The following NAA25 variants were observed in gnomAD, a reference collection of about 807,000 sequenced individuals.
NAA25 encodes N-alpha-acetyltransferase 25, NatB auxiliary subunit, also known as N-terminal acetyltransferase B complex subunit NAA25.
Under a neutral mutation model 132.5 loss-of-function variants are expected in NAA25, and 30 were observed. The observed-to-expected ratio is 0.23, with a 90% CI of 0.17 to 0.31. NAA25 has a LOEUF of 0.31. Ranked by LOEUF, NAA25 falls within the 10% of genes least tolerant of loss-of-function variation. NAA25 has a pLI of 1.00. For missense variants in NAA25, 771 were observed against 1,150.4 expected, an observed-to-expected ratio of 0.67 and a Z score of 4.77; for synonymous variants, 359 against 401.9, an observed-to-expected ratio of 0.89 and a Z score of 1.28.
chr12:112,028,636 ATATATATATG>A lies in NAA25; in HGVS notation c.*885_*894del, dbSNP rs1803465219. 1.3e-5 allele frequency: 2 copies of A among 152,120 alleles called. No individual in the cohort carries two copies. The highest frequency in any genetic ancestry group is 4.1e-4 in the South Asian group (2 of 4,830). The allele number at this position is 152,120 out of a possible 1,614,324, so 9.4% of individuals were successfully genotyped here. A position where few individuals can be genotyped will look rare whatever the true frequency, so the allele number is the denominator to read the frequency against. On this transcript the variant is annotated 3_prime_UTR_variant, in exon 24 of 24. Coordinates refer to ENST00000261745, the MANE Select transcript of NAA25 (RefSeq NM_024953.4). ...TTTCAAGTCATATATATATGTGTATATATATATATGTATATATATGACTCACAAAACCAAT... is the reference window on the plus strand; with the variant it reads ...TTTCAAGTCATATATATATGTGTATATATATATATGACTCACAAAACCAAT...
chr12:112,056,390 A>G (rs2078546773), intron 13 of NAA25, among the ~76,000 whole-genome samples: 1 of 151,776 alleles, frequency 6.6e-6, no homozygotes, highest in Non-Finnish European at 1.5e-5. Flanking sequence ...AAAATTAACT[A>G]AATAAATAAT....
In NAA25 at chr12:112,063,832, C is replaced by G. The variant is rs149066248; in HGVS notation, c.1150-2444G>C. Reference sequence around the variant, plus strand: ...GTGATTTGCATCTGTTGAGCTGGAACAAAAGGAGTGACTACTGCCTCTCAA... The same window carrying G: ...GTGATTTGCATCTGTTGAGCTGGAAGAAAAGGAGTGACTACTGCCTCTCAA... On this transcript the variant is annotated intron_variant, in intron 11 of 23. Transcript: ENST00000261745. 180 of 152,256 alleles carry G rather than the reference C, an allele frequency of 1.2e-3. 1 individual carries two copies. Among genetic ancestry groups the G allele is most frequent in the African/African-American group, 4.2e-3 (173 of 41,572 alleles). The allele number at this position is 152,256 out of a possible 1,614,324, so 9.4% of individuals were successfully genotyped here.
chr12:112,094,475 G>T (rs1394562502), intron 1 of NAA25, among the ~76,000 whole-genome samples: 1 of 151,976 alleles, frequency 6.6e-6, no homozygotes, highest in African/African-American at 2.4e-5. Context: ...TAGTATTCAG[G>T]CCTCAAATCT....
Position 112,029,482 on chromosome 12 carries a change from G to A in NAA25, c.*49C>T, listed in dbSNP as rs1228993859. ...AGATGTTGCTTTTGCCTGGGAAGAT[G>A]GTGTCATATTCTGTTGCAGAGTCAT... On this transcript the variant is annotated 3_prime_UTR_variant, in exon 24 of 24. Coordinates refer to ENST00000261745, the MANE Select transcript of NAA25 (RefSeq NM_024953.4). The A allele has an allele frequency of 6.2e-7, 1 of 1,608,792 alleles. No individual in the cohort carries two copies. The highest frequency in any genetic ancestry group is 1.1e-5 in the South Asian group (1 of 90,630).
At position 112,086,073 on chromosome 12, in the gene NAA25, T is replaced by TACACACAC. The variant is rs1555238727; in HGVS notation, c.402+1602_402+1609dup. Among the ~76,000 whole-genome samples, 153 of 53,770 alleles carry TACACACAC rather than the reference T, an allele frequency of 2.8e-3. 3 individuals carry two copies. Among genetic ancestry groups the TACACACAC allele is most frequent in the African/African-American group, 4.2e-3 (35 of 8,278 alleles). 35.3% of individuals were successfully genotyped at this position (53,770 alleles called of 152,430 possible). ...AAAAATATATATATATATATATATA[T>TACACACAC]ACACACACACACACACACACACACA... On this transcript the variant is annotated intron_variant, in intron 4 of 23. Coordinates refer to ENST00000261745, the MANE Select transcript of NAA25 (RefSeq NM_024953.4).
chr12:112,047,604 T>C (rs1268178078), intron 17 of NAA25, 61 bp downstream of exon 17: 9 of 1,587,880 alleles, frequency 5.7e-6, no homozygotes, highest in Non-Finnish European at 7.7e-6. Context: ...TCTTGGTCTC[T>C]TTAAAAAAAC....
rs201833793 is a variant in NAA25, at chr12:112,048,243, C to A, written c.1880+49G>T. The A allele has an allele frequency of 2.6e-6, 4 of 1,564,506 alleles. No individual in the cohort carries two copies. In the East Asian group the frequency reaches 9.0e-5, roughly 35 times the overall value. On this transcript the variant is annotated intron_variant, in intron 16 of 23. Transcript: ENST00000261745. ...CCATGAGCCCATTAATGGCTCTTAA[C>A]AACTGATCTAATCCCTTAGTTCCTT...
chr12:112,081,191 G>T, intron 4 of NAA25, 57 bp from the exon 5 acceptor site: 2 of 1,418,942 alleles, frequency 1.4e-6, no homozygotes, highest in Admixed American at 1.9e-5. Context: ...GGGGATTAAT[G>T]ATCTAGATAC....
At chr12:112,064,996 T>C (rs2078694705) in intron 11 of NAA25, among the ~76,000 whole-genome samples, 1 of 152,058 alleles carries the variant, frequency 6.6e-6, no homozygotes, top group South Asian at 2.1e-4. Context: ...ATCGCGCCAT[T>C]GCACTCTAGC....
At chr12:112,094,536 T>C (rs1184920335) in intron 1 of NAA25, among the ~76,000 whole-genome samples, 2 of 152,158 alleles carry the variant, frequency 1.3e-5, no homozygotes, top group Non-Finnish European at 2.9e-5. Flanking sequence ...AGTACTGACT[T>C]TGCCACAGAG....
At chr12:112,078,497 C>T in intron 6 of NAA25, 137 bp downstream of exon 6, 1 of 787,086 alleles carries the variant, frequency 1.3e-6, no homozygotes, top group Non-Finnish European at 2.1e-6. Flanking sequence ...ACGCTGAGGG[C>T]TTCAGATTTA....
chr12:112,065,014 A>C (rs1207776924), intron 11 of NAA25, among the ~76,000 whole-genome samples: 1 of 152,112 alleles, frequency 6.6e-6, no homozygotes, highest in Admixed American at 6.6e-5. Flanking sequence ...AGCCTGGGCA[A>C]GAAGAGCGAA....
intron 23 of NAA25, among the ~76,000 whole-genome samples, chr12:112,033,016 C>T (rs1274254916): frequency 1.3e-5 from 2 of 152,094 alleles, no homozygotes; most frequent in Non-Finnish European, 1.5e-5. Flanking sequence ...CCCAAAAATG[C>T]ATAGAAAGGA....
At position 112,049,572 on chromosome 12, in the gene NAA25, C is replaced by A. The variant is rs774691744; in HGVS notation, c.1729-1129G>T. ...AACTGCATTCGATGCGGCTTTTAAA[C>A]CCCCATGGGACACCTCGGCGAGCTG... On this transcript the variant is annotated intron_variant, in intron 15 of 23. Transcript: ENST00000261745. This position sits in a 1 kb window ranked among gnomAD's most constrained non-coding sequence, Gnocchi z 4.7. 1.9e-4 allele frequency: 191 copies of A among 985,712 alleles called. No homozygotes were observed. The highest frequency in any genetic ancestry group is 1.5e-3 in the Middle Eastern group (3 of 1,936). The allele number at this position is 985,712 out of a possible 1,614,324, so 61.1% of individuals were successfully genotyped here.
At chr12:112,105,818 T>A (rs2079354914) in intron 1 of NAA25, among the ~76,000 whole-genome samples, 1 of 152,202 alleles carries the variant, frequency 6.6e-6, no homozygotes. Context: ...AGCTACAACC[T>A]TGAGCAAGTT....
chr12:112,044,547 G>A (rs1353970494), intron 17 of NAA25, among the ~76,000 whole-genome samples: 1 of 151,884 alleles, frequency 6.6e-6, no homozygotes, highest in African/African-American at 2.4e-5. Context: ...GTGGGCGCCT[G>A]TAGTCCCAGC....
intron 1 of NAA25, among the ~76,000 whole-genome samples, chr12:112,094,102 G>A (rs545424187): frequency 6.6e-6 from 1 of 151,816 alleles, no homozygotes; most frequent in African/African-American, 2.4e-5. Context: ...TTAGCCAGGC[G>A]TGGTGGTGGG....
At chr12:112,045,713 T>C (rs957732721) in intron 17 of NAA25, among the ~76,000 whole-genome samples, 9 of 152,168 alleles carry the variant, frequency 5.9e-5, no homozygotes, top group Non-Finnish European at 8.8e-5. Flanking sequence ...GAGAATCCCT[T>C]GAACCCAGGA....
Position 112,048,431 on chromosome 12 carries a change from T to C in NAA25, c.1741A>G (p.Ile581Val), listed in dbSNP as rs146981092. 5.3e-5 allele frequency: 85 copies of C among 1,613,800 alleles called. No individual in the cohort carries two copies. Among genetic ancestry groups the C allele is most frequent in the African/African-American group, 2.7e-5 (2 of 74,928 alleles). Reference protein sequence around the residue: ...HSNQKDTSEYIIQAYKYGAFE... With the variant: ...HSNQKDTSEYVIQAYKYGAFE... ...GCACCATATTTGTAAGCTTGAATAATATATTCTGAGGTCTGAGAAGGAAAG... is the reference window on the plus strand; with the variant it reads ...GCACCATATTTGTAAGCTTGAATAACATATTCTGAGGTCTGAGAAGGAAAG... The change falls in exon 16 of 24, where the codon ATT becomes GTT. Residue 581 changes from isoleucine to valine, a missense_variant. Around this residue, in one of 3 missense-constraint regions of NAA25, gnomAD observed 417 missense variants for 733.8 expected, o/e 0.57. Transcript: ENST00000261745.
Sources: allele counts gnomAD v4.1 joint callset (sites outside exome capture counted in the v4.1 genomes callset), GRCh38; gene constraint gnomAD v4.1.1; regional missense constraint gnomAD v4.1.1; non-coding constraint Gnocchi (gnomAD v3.1); transcripts MANE v1.5; gene names NCBI Gene and HGNC (gene_info 2026-07-23, HGNC 2026-07-21).